Variants in CSMD1 observed in about 807,000 individuals in gnomAD.
CSMD1 encodes CUB and Sushi multiple domains 1.
Under a neutral mutation model 417.5 loss-of-function variants are expected in CSMD1, and 213 were observed. The observed-to-expected ratio is 0.51, with a 90% CI of 0.46 to 0.57. The LOEUF (loss-of-function observed/expected upper bound fraction) is 0.57, where lower values mean the gene tolerates loss of function less well. Ranked by LOEUF, CSMD1 falls within the 20% of genes least tolerant of loss-of-function variation. The pLI, the probability that CSMD1 is intolerant of heterozygous loss-of-function variation, is 0.00. For missense variants in CSMD1, 6,923 were observed against 4,529.7 expected (o/e 1.53, Z -15.17); for synonymous variants, 2,862 against 1,736.8 (o/e 1.65, Z -16.11).
At chr8:3,836,819 T>G (rs1802741187) in intron 5 of CSMD1, among the ~76,000 whole-genome samples, 1 of 152,174 alleles carries the variant, frequency 6.6e-6, no homozygotes, top group African/African-American at 2.4e-5. Context: ...TTAAATAATT[T>G]TATAACTCAA....
intron 1 of CSMD1, among the ~76,000 whole-genome samples, chr8:4,887,367 G>A (rs180924170): frequency 6.6e-6 from 1 of 152,026 alleles, no homozygotes; most frequent in African/African-American, 2.4e-5. Flanking sequence ...ATGTATTAAG[G>A]CTTATTTTAT....
chr8:3,755,407 A>G (rs2129054311), intron 5 of CSMD1, among the ~76,000 whole-genome samples: 1 of 152,334 alleles, frequency 6.6e-6, no homozygotes, highest in South Asian at 2.1e-4. Flanking sequence ...TGTGCACTGA[A>G]TAATTATTTT....
intron 26 of CSMD1, among the ~76,000 whole-genome samples, chr8:3,242,362 A>G (rs920173543): frequency 4.6e-5 from 7 of 151,482 alleles, no homozygotes; most frequent in Non-Finnish European, 1.0e-4. Context: ...TGGGGTTGGG[A>G]CTGAGGGGAC....
chr8:4,148,198 G>A (rs567040741), intron 3 of CSMD1, among the ~76,000 whole-genome samples: 64 of 151,998 alleles, frequency 4.2e-4, no homozygotes, highest in Non-Finnish European at 7.8e-4. Flanking sequence ...ATAACTAACT[G>A]TAAGTTATAA....
chr8:4,343,867 G>A (rs1242389164), intron 3 of CSMD1, among the ~76,000 whole-genome samples: 2 of 152,022 alleles, frequency 1.3e-5, no homozygotes, highest in South Asian at 4.1e-4. Flanking sequence ...GTAGCATATG[G>A]CCCTGGTCAA....
intron 2 of CSMD1, among the ~76,000 whole-genome samples, chr8:4,523,074 T>C (rs369232520): frequency 2.6e-5 from 4 of 152,158 alleles, no homozygotes; most frequent in East Asian, 1.9e-4. Context: ...TTCACAGATA[T>C]AGAAACTCCA....
At chr8:3,945,416 G>C (rs183913319) in intron 5 of CSMD1, among the ~76,000 whole-genome samples, 7 of 151,896 alleles carry the variant, frequency 4.6e-5, no homozygotes, top group Non-Finnish European at 8.8e-5. Flanking sequence ...TTTTGGGGGG[G>C]CATATTACAA....
chr8:4,731,251 C>G (rs979910991), intron 1 of CSMD1, among the ~76,000 whole-genome samples: 1 of 152,156 alleles, frequency 6.6e-6, no homozygotes. Flanking sequence ...AGATGCCCAC[C>G]TCAACCTGCT....
chr8:4,006,442 G>A (rs910147920), intron 4 of CSMD1, among the ~76,000 whole-genome samples: 3 of 152,170 alleles, frequency 2.0e-5, no homozygotes, highest in Non-Finnish European at 2.9e-5. Context: ...TTCTTGGGAG[G>A]CTGAGGCCGA....
chr8:3,736,588 G>A (rs1370655785), intron 6 of CSMD1, among the ~76,000 whole-genome samples: 1 of 152,134 alleles, frequency 6.6e-6, no homozygotes, highest in African/African-American at 2.4e-5. Flanking sequence ...ATGGCTCCCA[G>A]GCCCTGGCTC....
intron 15 of CSMD1, among the ~76,000 whole-genome samples, chr8:3,402,694 C>T (rs1229341539): frequency 2.6e-5 from 4 of 152,058 alleles, no homozygotes; most frequent in Admixed American, 2.0e-4. Context: ...TACCAAATAT[C>T]TATAACATTT....
chr8:3,938,935 T>C (rs868540163), intron 5 of CSMD1, among the ~76,000 whole-genome samples: 1 of 152,152 alleles, frequency 6.6e-6, no homozygotes. Flanking sequence ...CACAGTAACA[T>C]TTTATTAGTT....
At position 3,408,231 on chromosome 8, in the gene CSMD1, A is replaced by G; in HGVS notation, c.1745-6T>C. On this transcript the variant is annotated splice_region_variant and splice_polypyrimidine_tract_variant and intron_variant, in intron 13 of 69. Coordinates refer to ENST00000635120, the MANE Select transcript of CSMD1 (RefSeq NM_033225.6). The stretch of plus-strand genomic sequence containing the variant: ...AAAGTTGAAGAAACATGAAACTGTG[A>G]AGATGCAAATATATTTTCAAACAGT... 1 of 1,581,336 alleles carries G rather than the reference A, an allele frequency of 6.3e-7. No homozygotes were observed. The highest frequency in any genetic ancestry group is 8.6e-7 in the Non-Finnish European group (1 of 1,160,184).
chr8:3,563,441 G>GT (rs1554471089), intron 10 of CSMD1, among the ~76,000 whole-genome samples: 5 of 62,200 alleles, frequency 8.0e-5, no homozygotes, highest in Non-Finnish European at 1.5e-4. Flanking sequence ...GTATTAAAAG[G>GT]TAAAAAAAAA....
chr8:3,137,089 C>T (rs78034162), intron 41 of CSMD1, among the ~76,000 whole-genome samples: 3,465 of 152,148 alleles, frequency 0.023, 146 homozygotes, highest in African/African-American at 0.08. Context: ...CAGCCTTTAT[C>T]ATTTCTTTGT....
chr8:3,070,875 A>G (rs954173692), intron 49 of CSMD1, among the ~76,000 whole-genome samples: 2 of 152,250 alleles, frequency 1.3e-5, no homozygotes, highest in African/African-American at 4.8e-5. Context: ...ATTGCTATAA[A>G]GCAATACCTG....
In CSMD1 at chr8:3,132,936, C is replaced by T. The variant is rs544155592; in HGVS notation, c.6241+9529G>A. Among the ~76,000 whole-genome samples, 4 of 152,326 alleles carry T rather than the reference C, an allele frequency of 2.6e-5. No individual in the cohort carries two copies. In the South Asian group the frequency reaches 8.3e-4, roughly 32 times the overall value. ...CAGGAAATATCTAAGTGGGAAGACCCTCCTTCGCCCAGGTCTACAAGAAGG... is the reference window on the plus strand; with the variant it reads ...CAGGAAATATCTAAGTGGGAAGACCTTCCTTCGCCCAGGTCTACAAGAAGG... On this transcript the variant is annotated intron_variant, in intron 41 of 69. Coordinates refer to ENST00000635120, the MANE Select transcript of CSMD1 (RefSeq NM_033225.6).
At chr8:3,059,753 T>C (rs967949336) in intron 49 of CSMD1, among the ~76,000 whole-genome samples, 2 of 152,084 alleles carry the variant, frequency 1.3e-5, no homozygotes, top group Non-Finnish European at 2.9e-5. Context: ...AAGATGTGGA[T>C]GGACTTGGAC....
chr8:4,219,411 G>C (rs778389149), intron 3 of CSMD1, among the ~76,000 whole-genome samples: 2 of 152,106 alleles, frequency 1.3e-5, no homozygotes, highest in Non-Finnish European at 2.9e-5. Flanking sequence ...TAATTACAGA[G>C]CCTCCATGGT....
Sources: allele counts gnomAD v4.1 joint callset (sites outside exome capture counted in the v4.1 genomes callset), GRCh38; gene constraint gnomAD v4.1.1; transcripts MANE v1.5; gene names NCBI Gene and HGNC (gene_info 2026-07-23, HGNC 2026-07-21).